Variants in USP48 observed in about 807,000 individuals in gnomAD.
The protein encoded by USP48 is ubiquitin carboxyl-terminal hydrolase 48.
In USP48, 43 loss-of-function variants were observed where a neutral mutation model predicts 150.7. The observed-to-expected ratio is 0.29, with a 90% CI of 0.22 to 0.37. USP48 has a LOEUF of 0.37. Among genes scored for constraint, USP48 ranks in the 10% least tolerant of loss-of-function variants. USP48 has a pLI of 1.00. For missense variants in USP48, 813 were observed against 1,249.6 expected, an observed-to-expected ratio of 0.65 and a Z score of 5.27; for synonymous variants, 396 against 425.9, an observed-to-expected ratio of 0.93 and a Z score of 0.86.
intron 22 of USP48, 50 bp downstream of exon 22, chr1:21,701,448 C>T (rs769959943): frequency 1.3e-6 from 2 of 1,525,264 alleles, no homozygotes; most frequent in Non-Finnish European, 1.8e-6. Context: ...AGTGGCTGCT[C>T]TATAAGAACA....
At chr1:21,712,997 AG>A (rs965288674) in intron 15 of USP48, among the ~76,000 whole-genome samples, 2 of 152,160 alleles carry the variant, frequency 1.3e-5, no homozygotes, top group African/African-American at 4.8e-5. Flanking sequence ...TCAAGACAAC[AG>A]CCTAAAAAAA....
At chr1:21,698,873 C>T (rs1266746314) in intron 22 of USP48, among the ~76,000 whole-genome samples, 2 of 151,898 alleles carry the variant, frequency 1.3e-5, no homozygotes, top group African/African-American at 2.4e-5. Flanking sequence ...CCAGCCTGGA[C>T]GACAGAGCAA....
In USP48 at chr1:21,765,476, G is replaced by C. The variant is rs191099594; in HGVS notation, c.135-7693C>G. ...TACTAAAAATTCAAAAATGTGCCAGGCATGGTGGCACGCGCCTGTAGTCCC... is the reference window on the plus strand; with the variant it reads ...TACTAAAAATTCAAAAATGTGCCAGCCATGGTGGCACGCGCCTGTAGTCCC... On this transcript the variant is annotated intron_variant, in intron 1 of 26. Coordinates refer to ENST00000308271, the MANE Select transcript of USP48 (RefSeq NM_032236.8). 2.9e-3 allele frequency among the ~76,000 whole-genome samples: 445 copies of C among 152,144 alleles called. 3 individuals are homozygous for C. Among genetic ancestry groups the C allele is most frequent in the Non-Finnish European group, 5.2e-3 (351 of 68,004 alleles).
chr1:21,750,415 C>T (rs976016352), intron 6 of USP48, among the ~76,000 whole-genome samples: 1 of 152,132 alleles, frequency 6.6e-6, no homozygotes, highest in African/African-American at 2.4e-5. Flanking sequence ...CCCAGCGCCA[C>T]ATTCCCTGCT....
At chr1:21,760,635 A>C (rs1333012971) in intron 1 of USP48, among the ~76,000 whole-genome samples, 1 of 151,604 alleles carries the variant, frequency 6.6e-6, no homozygotes, top group African/African-American at 2.4e-5. Flanking sequence ...AAATCACTTG[A>C]AACTGGAAGG....
chr1:21,756,434 T>C (rs2097835134), intron 3 of USP48, 112 bp downstream of exon 3: 1 of 1,262,988 alleles, frequency 7.9e-7, no homozygotes, highest in South Asian at 1.4e-5. Flanking sequence ...TGAACCGAGA[T>C]GGCGCCACTT....
intron 24 of USP48, 121 bp downstream of exon 24, chr1:21,689,853 A>T: frequency 7.2e-7 from 1 of 1,380,366 alleles, no homozygotes; most frequent in Non-Finnish European, 9.8e-7. Flanking sequence ...CACAGCAGTC[A>T]TTTATCACTA....
chr1:21,705,055 T>C (rs960103487), intron 19 of USP48, among the ~76,000 whole-genome samples: 4 of 152,046 alleles, frequency 2.6e-5, no homozygotes, highest in Admixed American at 6.6e-5. Flanking sequence ...GGAGAAAATG[T>C]AGAGAATATA....
intron 1 of USP48, chr1:21,768,606 T>C (rs2097869291): frequency 6.6e-6 from 1 of 152,180 alleles, no homozygotes; most frequent in East Asian, 1.9e-4. Flanking sequence ...TGTTTTATCA[T>C]GGCTACCTAT....
Position 21,757,427 on chromosome 1 carries a change from A to T in USP48, c.255+236T>A, listed in dbSNP as rs1214957789. ...ATGTTAAAGCAAACATAGAATCAGC[A>T]TTCAAACTAAAACTATTATTTAAAG... On this transcript the variant is annotated intron_variant, in intron 2 of 26. Transcript: ENST00000308271. The T allele has an allele frequency of 1.6e-4, 55 of 354,824 alleles. 1 individual carries two copies. Among genetic ancestry groups the T allele is most frequent in the Non-Finnish European group, 2.0e-5 (4 of 201,194 alleles). The allele number at this position is 354,824 out of a possible 1,614,324, so 22.0% of individuals were successfully genotyped here.
At chr1:21,716,846 G>A (rs574985327) in intron 14 of USP48, among the ~76,000 whole-genome samples, 59 of 151,894 alleles carry the variant, frequency 3.9e-4, no homozygotes, top group African/African-American at 1.4e-3. Context: ...GGCTAACACA[G>A]TGAAACCTCG....
At chr1:21,768,390 G>C (rs1297933469) in intron 1 of USP48, 1 of 153,262 alleles carries the variant, frequency 6.5e-6, no homozygotes, top group Non-Finnish European at 1.5e-5. Flanking sequence ...GAGCCCCTCA[G>C]TTTCATGAAT....
chr1:21,717,489 A>G (rs1571839031), intron 14 of USP48, among the ~76,000 whole-genome samples: 1 of 152,174 alleles, frequency 6.6e-6, no homozygotes, highest in East Asian at 1.9e-4. Flanking sequence ...ACAAAAATCA[A>G]GTAAAAAAAT....
At chr1:21,718,885 T>C (rs1429514325) in intron 14 of USP48, among the ~76,000 whole-genome samples, 4 of 152,172 alleles carry the variant, frequency 2.6e-5, no homozygotes, top group Non-Finnish European at 5.9e-5. Flanking sequence ...ATTAAAATTA[T>C]AGTACGGTTT....
chr1:21,736,809 A>G (rs2097769733), intron 8 of USP48, among the ~76,000 whole-genome samples, 184 bp from the exon 9 acceptor site: 1 of 152,192 alleles, frequency 6.6e-6, no homozygotes, highest in African/African-American at 2.4e-5. Context: ...ACTCTCTTAG[A>G]CACACTCTGA....
At chr1:21,733,149 C>T (rs1033286077) in intron 9 of USP48, among the ~76,000 whole-genome samples, 15 of 152,134 alleles carry the variant, frequency 9.9e-5, no homozygotes, top group Admixed American at 8.5e-4. Context: ...GGCATGGTGG[C>T]TCACGCCTGT....
At chr1:21,683,241 A>G (rs2097571583) in intron 25 of USP48, among the ~76,000 whole-genome samples, 1 of 152,186 alleles carries the variant, frequency 6.6e-6, no homozygotes, top group African/African-American at 2.4e-5. Flanking sequence ...TTGAGACTCC[A>G]TCTCAAAAAA....
chr1:21,739,518 CAAAAAAAAAA>C (rs61410306), intron 8 of USP48, among the ~76,000 whole-genome samples: 11 of 66,294 alleles, frequency 1.7e-4, no homozygotes, highest in Non-Finnish European at 2.3e-4. Flanking sequence ...GACTCCGTCT[CAAAAAAAAAA>C]AAAAAAAAAA....
chr1:21,680,790 A>G lies in USP48; in HGVS notation c.3085+18T>C. The stretch of plus-strand genomic sequence containing the variant: ...TGACTCTGACATTCATGAACAAAAC[A>G]TGACAAATGTAACTTACCTTTAAAC... On this transcript the variant is annotated intron_variant, in intron 26 of 26. Coordinates refer to ENST00000308271, the MANE Select transcript of USP48 (RefSeq NM_032236.8). 1.3e-6 allele frequency: 2 copies of G among 1,585,492 alleles called. No homozygotes were observed. The highest frequency in any genetic ancestry group is 1.7e-6 in the Non-Finnish European group (2 of 1,171,326).
Sources: allele counts gnomAD v4.1 joint callset (sites outside exome capture counted in the v4.1 genomes callset), GRCh38; gene constraint gnomAD v4.1.1; transcripts MANE v1.5; gene names NCBI Gene and HGNC (gene_info 2026-07-23, HGNC 2026-07-21).